Variants in GRID2 observed in about 807,000 individuals in gnomAD.
GRID2 encodes the protein glutamate receptor ionotropic, delta-2.
A neutral mutation model predicts 114.8 loss-of-function variants in GRID2; 33 were observed. That is an observed-to-expected ratio of 0.29 (90% confidence interval 0.22 to 0.38). The LOEUF is 0.38. Among genes scored for constraint, GRID2 ranks in the 10% least tolerant of loss-of-function variants. The pLI is 1.00. For synonymous variants in GRID2, 505 were observed against 449.9 expected, an observed-to-expected ratio of 1.12 and a Z score of -1.55; for missense variants, 1,184 against 1,257.7, an observed-to-expected ratio of 0.94 and a Z score of 0.89.
intron 12 of GRID2, among the ~76,000 whole-genome samples, chr4:93,503,709 C>T (rs1038218317): frequency 2.6e-5 from 4 of 152,016 alleles, no homozygotes; most frequent in South Asian, 2.1e-4. Context: ...TCCAATTCTT[C>T]GCTCACTGCA....
At position 93,273,527 on chromosome 4, in the gene GRID2, A is replaced by G. The variant is rs1751730589; in HGVS notation, c.1245+35037A>G. ...TATGCATATGTTACATTCCTGAGGAATGTAATGGGGAAAGAGGAATTATAT... is the reference window on the plus strand; with the variant it reads ...TATGCATATGTTACATTCCTGAGGAGTGTAATGGGGAAAGAGGAATTATAT... On this transcript the variant is annotated intron_variant, in intron 8 of 15. Coordinates refer to ENST00000282020, the MANE Select transcript of GRID2 (RefSeq NM_001510.4). Among the ~76,000 whole-genome samples, 3 of 151,940 alleles carry G rather than the reference A, an allele frequency of 2.0e-5. No individual in the cohort carries two copies. The South Asian group carries it at 6.2e-4, about 32-fold the overall frequency.
At chr4:92,343,025 A>AGATATAAC (rs1727582183) in intron 1 of GRID2, among the ~76,000 whole-genome samples, 2 of 152,176 alleles carry the variant, frequency 1.3e-5, no homozygotes, top group African/African-American at 4.8e-5. Context: ...AAAGATATAA[A>AGATATAAC]CTGAGTATTC....
intron 14 of GRID2, among the ~76,000 whole-genome samples, chr4:93,634,656 A>G (rs1185842549): frequency 6.6e-6 from 1 of 152,124 alleles, no homozygotes; most frequent in Non-Finnish European, 1.5e-5. Flanking sequence ...CTCTGAGAAG[A>G]GAAATATCTG....
intron 7 of GRID2, among the ~76,000 whole-genome samples, chr4:93,236,083 A>G (rs968394002): frequency 6.6e-6 from 1 of 151,910 alleles, no homozygotes; most frequent in Non-Finnish European, 1.5e-5. Context: ...AATATTCTGA[A>G]CACAAGTTTT....
At chr4:93,124,077 G>A (rs1734043701) in intron 4 of GRID2, among the ~76,000 whole-genome samples, 1 of 144,446 alleles carries the variant, frequency 6.9e-6, no homozygotes, top group Non-Finnish European at 1.5e-5. Context: ...TGCACAATGT[G>A]CACATGTACC....
chr4:92,488,172 A>G (rs958896171), intron 1 of GRID2, among the ~76,000 whole-genome samples: 2 of 152,158 alleles, frequency 1.3e-5, no homozygotes, highest in Non-Finnish European at 2.9e-5. Context: ...CTAATACTCA[A>G]TTCCTGTCAA....
intron 4 of GRID2, among the ~76,000 whole-genome samples, chr4:93,136,392 G>T (rs1735254423): frequency 6.6e-6 from 1 of 151,982 alleles, no homozygotes; most frequent in Non-Finnish European, 1.5e-5. Flanking sequence ...TGAAAATGTG[G>T]CCAAAGCTTC....
chr4:93,126,031 A>G (rs1301195996), intron 4 of GRID2, among the ~76,000 whole-genome samples: 1 of 152,214 alleles, frequency 6.6e-6, no homozygotes, highest in Non-Finnish European at 1.5e-5. Context: ...ACGTACATCT[A>G]CTGATCCAAG....
intron 1 of GRID2, among the ~76,000 whole-genome samples, chr4:92,315,993 C>CAAAAAAAAAA (rs778361565): frequency 2.1e-3 from 131 of 61,894 alleles, no homozygotes; most frequent in African/African-American, 5.9e-3. Flanking sequence ...AAACAAAAAG[C>CAAAAAAAAAA]AAAAAAAAAA....
intron 8 of GRID2, among the ~76,000 whole-genome samples, chr4:93,306,493 A>G (rs1755436528): frequency 6.6e-6 from 1 of 152,208 alleles, no homozygotes; most frequent in African/African-American, 2.4e-5. Context: ...TTAGCAAGAA[A>G]AGGTAACCAA....
chr4:93,676,955 C>A (rs115011526), intron 14 of GRID2, among the ~76,000 whole-genome samples: 1 of 151,868 alleles, frequency 6.6e-6, no homozygotes. Context: ...GCTCCATGCA[C>A]GAGCCGAAGC....
chr4:92,335,525 A>C (rs1225227527), intron 1 of GRID2, among the ~76,000 whole-genome samples: 1 of 152,174 alleles, frequency 6.6e-6, no homozygotes. Flanking sequence ...GCTGAATCTC[A>C]ATTATGATTT....
chr4:93,481,870 G>T (rs182565546), intron 11 of GRID2, among the ~76,000 whole-genome samples: 7 of 152,108 alleles, frequency 4.6e-5, no homozygotes, highest in South Asian at 2.1e-4. Context: ...ATCCCAGAGG[G>T]ATTGCAGGCT....
At chr4:92,974,709 T>A (rs1245779931) in intron 2 of GRID2, among the ~76,000 whole-genome samples, 4 of 151,270 alleles carry the variant, frequency 2.6e-5, no homozygotes, top group African/African-American at 9.7e-5. Context: ...AGGGGAGGAA[T>A]AACATTAGGA....
At chr4:92,550,306 T>C (rs1036675328) in intron 1 of GRID2, among the ~76,000 whole-genome samples, 1 of 152,170 alleles carries the variant, frequency 6.6e-6, no homozygotes, top group Non-Finnish European at 1.5e-5. Context: ...ATCTGTGAAG[T>C]ATAGAATAAT....
At chr4:93,601,223 TTTGGA>T (rs1056096297) in intron 13 of GRID2, among the ~76,000 whole-genome samples, 1 of 152,108 alleles carries the variant, frequency 6.6e-6, no homozygotes, top group African/African-American at 2.4e-5. Context: ...ATGATTATGG[TTTGGA>T]TTGGATGGAC....
intron 2 of GRID2, among the ~76,000 whole-genome samples, chr4:92,899,189 T>A (rs2149478316): frequency 6.6e-6 from 1 of 152,284 alleles, no homozygotes; most frequent in South Asian, 2.1e-4. Flanking sequence ...ATACTTTATA[T>A]AATCTATAAA....
chr4:92,466,629 C>T (rs777412380), intron 1 of GRID2, among the ~76,000 whole-genome samples: 1 of 151,760 alleles, frequency 6.6e-6, no homozygotes, highest in Non-Finnish European at 1.5e-5. Flanking sequence ...CTTTTACAGT[C>T]GTTTCCCTAT....
At chr4:93,246,342 C>CT (rs1230212730) in intron 8 of GRID2, among the ~76,000 whole-genome samples, 1 of 152,068 alleles carries the variant, frequency 6.6e-6, no homozygotes, top group African/African-American at 2.4e-5. Flanking sequence ...AATCCCATCA[C>CT]TTTGGGAGGC....
Sources: allele counts gnomAD v4.1 joint callset (sites outside exome capture counted in the v4.1 genomes callset), GRCh38; gene constraint gnomAD v4.1.1; transcripts MANE v1.5; gene names NCBI Gene and HGNC (gene_info 2026-07-23, HGNC 2026-07-21).